The following SYNPO2 variants were observed in gnomAD, a reference collection of about 807,000 sequenced individuals.
SYNPO2 encodes the protein synaptopodin 2.
Under a neutral mutation model 85.0 loss-of-function variants are expected in SYNPO2, and 56 were observed. The observed-to-expected ratio is 0.66, with a 90% CI of 0.53 to 0.82. The LOEUF (loss-of-function observed/expected upper bound fraction) is 0.82, where lower values mean the gene tolerates loss of function less well. Among genes scored for constraint, SYNPO2 ranks in the 40% least tolerant of loss-of-function variants. SYNPO2 has a pLI of 0.00. For synonymous variants in SYNPO2, 602 were observed against 591.1 expected, an observed-to-expected ratio of 1.02 and a Z score of -0.27; for missense variants, 1,575 against 1,534.2, an observed-to-expected ratio of 1.03 and a Z score of -0.44.
Position 118,962,254 on chromosome 4 carries a change from T to G in SYNPO2, c.106-61176T>G, listed in dbSNP as rs539601435. Among the ~76,000 whole-genome samples, 3 of 152,308 alleles carry G rather than the reference T, an allele frequency of 2.0e-5. 1 individual carries two copies. The South Asian group carries it at 6.2e-4, about 32-fold the overall frequency. On this transcript the variant is annotated intron_variant, in intron 1 of 4. Transcript: ENST00000307142. ...AAGTAATAGGAAAACAAGATGAAAC[T>G]AAGTCTCTGTAGCCCCAGGGTGATA...
chr4:118,906,554 T>C (rs1020414138), intron 1 of SYNPO2, among the ~76,000 whole-genome samples: 19 of 152,160 alleles, frequency 1.2e-4, no homozygotes, highest in Admixed American at 7.9e-4. Flanking sequence ...AGAAAGAAAA[T>C]GCCCATGAGT....
intron 1 of SYNPO2, among the ~76,000 whole-genome samples, chr4:118,856,505 CTATTT>C (rs570028561): frequency 3.9e-5 from 6 of 151,964 alleles, no homozygotes; most frequent in African/African-American, 1.2e-4. Flanking sequence ...AATATATATG[CTATTT>C]TATTTTATTT....
chr4:118,987,670 A>T (rs533661893), intron 1 of SYNPO2, among the ~76,000 whole-genome samples: 4 of 151,570 alleles, frequency 2.6e-5, no homozygotes, highest in Non-Finnish European at 5.9e-5. Context: ...CCTAATGTGA[A>T]CTCGAATTAC....
At chr4:118,895,079 T>A (rs897801148) in intron 1 of SYNPO2, among the ~76,000 whole-genome samples, 11 of 152,232 alleles carry the variant, frequency 7.2e-5, no homozygotes, top group African/African-American at 2.7e-4. Flanking sequence ...AACATATATT[T>A]CTTCCAGTAA....
At chr4:118,930,613 A>G (rs1276772763) in intron 1 of SYNPO2, among the ~76,000 whole-genome samples, 1 of 151,982 alleles carries the variant, frequency 6.6e-6, no homozygotes, top group Non-Finnish European at 1.5e-5. Flanking sequence ...TATTGCCTCC[A>G]TTAGATTACA....
Position 118,910,835 on chromosome 4 carries a change from C to CT in SYNPO2, c.105+21702dup, listed in dbSNP as rs1020731377. On this transcript the variant is annotated intron_variant, in intron 1 of 4. Transcript: ENST00000307142. ...TGTACCCAACTACTTTTCTTTTTTA[C>CT]TTTTTTTTGAGAATCATCCTTTAAA... Among the ~76,000 whole-genome samples the CT allele has an allele frequency of 5.3e-5, 8 of 151,998 alleles. No homozygotes were observed. In the South Asian group the frequency reaches 1.5e-3, roughly 28 times the overall value.
intron 1 of SYNPO2, among the ~76,000 whole-genome samples, chr4:118,912,306 C>G: frequency 6.6e-6 from 1 of 152,084 alleles, no homozygotes; most frequent in South Asian, 2.1e-4. Context: ...TCAGCCTCCC[C>G]AGTAGCTGGG....
intron 1 of SYNPO2, among the ~76,000 whole-genome samples, chr4:118,890,581 G>A (rs1048056943): frequency 6.8e-6 from 1 of 148,126 alleles, no homozygotes; most frequent in East Asian, 2.2e-4. Context: ...GATTTGTCCT[G>A]AGTCTAGAAT....
intron 1 of SYNPO2, among the ~76,000 whole-genome samples, chr4:118,979,451 A>G (rs765697622): frequency 1.3e-5 from 2 of 152,208 alleles, no homozygotes; most frequent in Non-Finnish European, 2.9e-5. Flanking sequence ...TCAGAATCAT[A>G]TACTACCATC....
Position 119,032,000 on chromosome 4 carries a change from A to G in SYNPO2, c.3225A>G (p.Ser1075=). Residue 1075 remains serine (S), a synonymous_variant, in exon 4 of 5, where the codon TCA becomes TCG. Transcript: ENST00000307142. Reference sequence around the variant, plus strand: ...TTGTGGCACCAAGGCCAAAGTTCTCAGCCAAGAAAAGTGGTGTCACAATTC... The same window carrying G: ...TTGTGGCACCAAGGCCAAAGTTCTCGGCCAAGAAAAGTGGTGTCACAATTC... ...SYFVAPRPKF[S]AKKSGVTIQE... 1.2e-6 allele frequency: 2 copies of G among 1,614,208 alleles called. No homozygotes were observed. Among genetic ancestry groups the G allele is most frequent in the Non-Finnish European group, 1.7e-6 (2 of 1,180,034 alleles).
At chr4:118,855,507 C>G (rs1731490550) in intron 1 of SYNPO2, among the ~76,000 whole-genome samples, 2 of 151,980 alleles carry the variant, frequency 1.3e-5, no homozygotes, top group African/African-American at 4.8e-5. Context: ...TATCGCACAA[C>G]TGTAGAGAGA....
At position 118,870,485 on chromosome 4, in the gene SYNPO2, C is replaced by T. The variant is rs147748838; in HGVS notation, c.12+19545C>T. On this transcript the variant is annotated intron_variant, in intron 1 of 4. Transcript: ENST00000610556. Reference sequence around the variant, plus strand: ...CAAGTCTTTGCTATTGTGAGTAGTGCTGCAATGAACATACACATGCATGTG... The same window carrying T: ...CAAGTCTTTGCTATTGTGAGTAGTGTTGCAATGAACATACACATGCATGTG... Among the ~76,000 whole-genome samples the T allele has an allele frequency of 3.9e-3, 590 of 152,268 alleles. 2 individuals are homozygous for T. The highest frequency in any genetic ancestry group is 0.014 in the African/African-American group (565 of 41,546).
rs755634036 is a variant in SYNPO2 at position 119,026,976 on chromosome 4, C to G, written c.607C>G (p.Leu203Val). Residue 203 changes from leucine to valine, a missense_variant, in exon 3 of 5, where the codon CTT becomes GTT. Physicochemically the swap from Leu to Val is conservative, Grantham distance 32. Around this residue, in one of 3 missense-constraint regions of SYNPO2, gnomAD observed 1,508 missense variants for 1,446.8 expected, o/e 1.04. Coordinates refer to ENST00000307142, the MANE Select transcript of SYNPO2 (RefSeq NM_133477.3). ...GCCTGTGGTTGAGCTGCAACTGTCCCTTTCACAGGAGAGACATAAGGGCGC... is the reference window on the plus strand; with the variant it reads ...GCCTGTGGTTGAGCTGCAACTGTCCGTTTCACAGGAGAGACATAAGGGCGC... ...PGPVVELQLS[L>V]SQERHKGASG... 3.9e-5 allele frequency: 63 copies of G among 1,614,048 alleles called. No individual in the cohort carries two copies. The highest frequency in any genetic ancestry group is 5.1e-5 in the Non-Finnish European group (60 of 1,180,042).
chr4:119,046,660 A>G (rs1286256095), intron 4 of SYNPO2, among the ~76,000 whole-genome samples: 3 of 152,238 alleles, frequency 2.0e-5, no homozygotes, highest in African/African-American at 7.2e-5. Context: ...TATAAACACA[A>G]TCTTTACTCT....
intron 1 of SYNPO2, among the ~76,000 whole-genome samples, chr4:118,929,719 A>G (rs1437388918): frequency 6.6e-6 from 1 of 152,168 alleles, no homozygotes; most frequent in Non-Finnish European, 1.5e-5. Flanking sequence ...GGAAAGTTCC[A>G]AAAAGTACAT....
At chr4:119,013,867 T>A (rs1737422778) in intron 1 of SYNPO2, among the ~76,000 whole-genome samples, 1 of 152,362 alleles carries the variant, frequency 6.6e-6, no homozygotes, top group African/African-American at 2.4e-5. Flanking sequence ...ATTTTTTAAA[T>A]TAACAGAGTA....
intron 1 of SYNPO2, among the ~76,000 whole-genome samples, chr4:119,020,430 T>A (rs958612737): frequency 6.6e-6 from 1 of 152,184 alleles, no homozygotes; most frequent in Non-Finnish European, 1.5e-5. Flanking sequence ...GCACTTTTCC[T>A]ATCATGCAAC....
upstream of SYNPO2, among the ~76,000 whole-genome samples, chr4:118,885,469 C>CTTTTTTTTTT (rs200816127): frequency 3.5e-5 from 5 of 140,932 alleles, no homozygotes; most frequent in Non-Finnish European, 6.1e-5. Context: ...ATCCATAGGT[C>CTTTTTTTTTT]TTTTTTTTTT....
Position 119,057,774 on chromosome 4 carries a change from C to T in SYNPO2, c.3626C>T (p.Thr1209Ile). 1 of 1,614,116 alleles carries T rather than the reference C, an allele frequency of 6.2e-7. No individual in the cohort carries two copies. The highest frequency in any genetic ancestry group is 8.5e-7 in the Non-Finnish European group (1 of 1,180,020). The change falls in exon 5 of 5, where the codon ACC becomes ATC. Residue 1209 changes from threonine (T) to isoleucine (I), a missense_variant. By Grantham distance (89) the Thr-to-Ile change is moderately conservative. Coordinates refer to ENST00000307142, the MANE Select transcript of SYNPO2 (RefSeq NM_133477.3). ...YNVTANNNMS[T>I]TSQYGSQLPY... Reference sequence around the variant, plus strand: ...GTCACAGCCAATAATAATATGTCCACCACCTCCCAATATGGTTCACAGTTG... The same window carrying T: ...GTCACAGCCAATAATAATATGTCCATCACCTCCCAATATGGTTCACAGTTG...
Sources: gnomAD v4.1 joint callset for allele counts (sites outside exome capture counted in the v4.1 genomes callset) on GRCh38, gnomAD v4.1.1 for gene constraint, gnomAD v4.1.1 regional missense constraint, MANE v1.5 for transcripts, NCBI Gene and HGNC (gene_info 2026-07-23, HGNC 2026-07-21) for gene names.